MGAT4C: variants seen among roughly 807,000 people sequenced by gnomAD.
The protein encoded by MGAT4C is MGAT4 family member C.
Under a neutral mutation model 40.1 loss-of-function variants are expected in MGAT4C, and 19 were observed. That is an observed-to-expected ratio of 0.47 (90% CI 0.33 to 0.70). The LOEUF (loss-of-function observed/expected upper bound fraction) is 0.70, where lower values mean the gene tolerates loss of function less well. Among genes scored for constraint, MGAT4C ranks in the 30% least tolerant of loss-of-function variants. The probability of loss-of-function intolerance (pLI) is 0.02; values close to 1 mark genes in which losing one functional copy is unlikely to be tolerated. For synonymous variants in MGAT4C, 181 were observed against 187.1 expected (o/e 0.97, Z 0.27); for missense variants, 491 against 563.2 (o/e 0.87, Z 1.30).
chr12:86,511,639 A>C (rs555672198), intron 2 of MGAT4C, among the ~76,000 whole-genome samples: 1 of 152,150 alleles, frequency 6.6e-6, no homozygotes, highest in Non-Finnish European at 1.5e-5. Context: ...GGCTAAGAAT[A>C]TACAATGGGG....
At chr12:86,032,721 T>C (rs1202660418) in intron 2 of MGAT4C, among the ~76,000 whole-genome samples, 1 of 149,902 alleles carries the variant, frequency 6.7e-6, no homozygotes, top group Non-Finnish European at 1.5e-5. Context: ...GTTGTTTGTT[T>C]AACTCTGTTG....
intron 2 of MGAT4C, chr12:86,001,551 G>A (rs531934310): frequency 3.6e-6 from 3 of 826,098 alleles, no homozygotes; most frequent in East Asian, 1.2e-4. Flanking sequence ...TGGTGATTTC[G>A]ACTCCTGAGC....
Position 86,546,626 on chromosome 12 carries a change from T to C in MGAT4C, c.-228-111361A>G, listed in dbSNP as rs1347559592. Among the ~76,000 whole-genome samples the C allele has an allele frequency of 3.3e-5, 5 of 152,106 alleles. No homozygotes were observed. The East Asian group carries it at 7.7e-4, about 23-fold the overall frequency. On this transcript the variant is annotated intron_variant, in intron 2 of 7. Transcript: ENST00000548651. ...AATTTTAAAAATGCTTTTGGTGGAA[T>C]AGTTTATAGAATTAAATTTTACCTG...
At chr12:86,115,087 G>A (rs1878169221) in intron 1 of MGAT4C, among the ~76,000 whole-genome samples, 1 of 152,088 alleles carries the variant, frequency 6.6e-6, no homozygotes, top group South Asian at 2.1e-4. Flanking sequence ...GTGGGTAACA[G>A]CTGGCATTTC....
intron 2 of MGAT4C, among the ~76,000 whole-genome samples, chr12:86,498,599 G>A (rs1033875294): frequency 3.3e-5 from 5 of 151,976 alleles, no homozygotes; most frequent in African/African-American, 2.4e-5. Context: ...ATGTAATCAA[G>A]TGTACAGATG....
chr12:86,490,790 C>A (rs940217834), intron 2 of MGAT4C, among the ~76,000 whole-genome samples: 1 of 151,982 alleles, frequency 6.6e-6, no homozygotes, highest in Non-Finnish European at 1.5e-5. Flanking sequence ...AGACTTTAAA[C>A]CAACAAAGAT....
intron 1 of MGAT4C, among the ~76,000 whole-genome samples, chr12:86,077,861 T>G (rs150797295): frequency 1.2e-3 from 189 of 152,226 alleles, no homozygotes; most frequent in Non-Finnish European, 2.1e-3. Context: ...ATAGCAGAGG[T>G]CAATCACCCC....
chr12:86,233,835 TTTC>T (rs1245756212), intron 1 of MGAT4C, among the ~76,000 whole-genome samples: 3 of 152,148 alleles, frequency 2.0e-5, no homozygotes, highest in Admixed American at 6.6e-5. Flanking sequence ...TTTTACAGCA[TTTC>T]TTCTTATCAA....
At chr12:86,777,198 C>T (rs1274558896) in intron 1 of MGAT4C, among the ~76,000 whole-genome samples, 1 of 151,972 alleles carries the variant, frequency 6.6e-6, no homozygotes, top group Non-Finnish European at 1.5e-5. Context: ...TTATATTTCA[C>T]AACATGATGT....
chr12:86,806,228 T>C (rs1952350220), intron 1 of MGAT4C, among the ~76,000 whole-genome samples: 1 of 152,046 alleles, frequency 6.6e-6, no homozygotes, highest in South Asian at 2.1e-4. Context: ...GCATTTATTA[T>C]GTACTCTTTT....
chr12:86,382,876 T>C (rs530128246), intron 3 of MGAT4C, among the ~76,000 whole-genome samples: 37 of 152,296 alleles, frequency 2.4e-4, no homozygotes, highest in African/African-American at 8.7e-4. Flanking sequence ...TTCAGATTTA[T>C]GGAAATGCCT....
intron 2 of MGAT4C, among the ~76,000 whole-genome samples, chr12:86,458,008 T>C (rs538201082): frequency 3.3e-4 from 50 of 152,070 alleles, no homozygotes; most frequent in African/African-American, 1.2e-3. Context: ...GAATCATAAA[T>C]TAAAACTTTT....
At chr12:86,042,103 G>A (rs1891915781) in intron 2 of MGAT4C, among the ~76,000 whole-genome samples, 1 of 152,140 alleles carries the variant, frequency 6.6e-6, no homozygotes, top group Admixed American at 6.5e-5. Flanking sequence ...TTGGTTTAAA[G>A]TCTGTTTTGT....
In MGAT4C at chr12:85,965,680, CA is replaced by C. The variant is rs1194265376; in HGVS notation, c.*13608del. On this transcript the variant is annotated 3_prime_UTR_variant, in exon 5 of 5. Coordinates refer to ENST00000611864, the MANE Select transcript of MGAT4C (RefSeq NM_001351288.2). ...AAGGCAGAGAAGAAGTAATTATGAA[CA>C]AACTGTTCATGAAGTGATCAATTGA... 6.9e-6 allele frequency: 1 copy of C among 145,796 alleles called. No individual in the cohort carries two copies. Among genetic ancestry groups the C allele is most frequent in the African/African-American group, 2.5e-5 (1 of 39,512 alleles). 9.0% of individuals were successfully genotyped at this position (145,796 alleles called of 1,614,324 possible).
At chr12:86,780,999 T>C (rs984861002) in intron 1 of MGAT4C, among the ~76,000 whole-genome samples, 1 of 137,122 alleles carries the variant, frequency 7.3e-6, no homozygotes, top group African/African-American at 2.6e-5. Context: ...TCATTCCTTT[T>C]TATGGCTGAG....
At chr12:86,654,968 G>T (rs536199282) in intron 2 of MGAT4C, among the ~76,000 whole-genome samples, 2 of 151,948 alleles carry the variant, frequency 1.3e-5, no homozygotes, top group Admixed American at 1.3e-4. Context: ...TTAAGGTGAG[G>T]TAATAAATAT....
At position 86,305,151 on chromosome 12, in the gene MGAT4C, G is replaced by A. The variant is rs960876268; in HGVS notation, c.-57+28914C>T. On this transcript the variant is annotated intron_variant, in intron 4 of 7. Coordinates refer to the MGAT4C transcript ENST00000548651. ...TCACTTGAATAGTAAGTTAAGAAAC[G>A]CTGTTAGGCCTGGTGCAGTGGCTCA... 6.0e-5 allele frequency among the ~76,000 whole-genome samples: 9 copies of A among 150,458 alleles called. 1 individual carries two copies. In the South Asian group the frequency reaches 6.2e-4, roughly 10 times the overall value.
intron 2 of MGAT4C, among the ~76,000 whole-genome samples, chr12:86,577,249 A>T (rs1284972160): frequency 6.6e-6 from 1 of 151,906 alleles, no homozygotes; most frequent in East Asian, 1.9e-4. Context: ...TATTATCAGC[A>T]AATAAGAATA....
chr12:86,213,084 C>T (rs747367608), intron 1 of MGAT4C, among the ~76,000 whole-genome samples: 16 of 152,002 alleles, frequency 1.1e-4, no homozygotes, highest in Non-Finnish European at 1.6e-4. Flanking sequence ...CCTTTACCAA[C>T]TCAATAGCTA....
Sources: gnomAD v4.1 joint callset for allele counts (sites outside exome capture counted in the v4.1 genomes callset) on GRCh38, gnomAD v4.1.1 for gene constraint, MANE v1.5 for transcripts, NCBI Gene and HGNC (gene_info 2026-07-23, HGNC 2026-07-21) for gene names.